Variants in MCTP1 observed in about 807,000 individuals in gnomAD.
MCTP1 encodes the protein multiple C2 and transmembrane domain containing 1.
In MCTP1, 69 loss-of-function variants were observed where a neutral mutation model predicts 120.6. The ratio of observed to expected loss-of-function variants is 0.57; its 90% confidence interval spans 0.47 to 0.70. The LOEUF (loss-of-function observed/expected upper bound fraction) is 0.70. MCTP1 is among the 30% of genes least tolerant of loss of function. The probability of loss-of-function intolerance (pLI) is 0.00; values close to 1 mark genes in which losing one functional copy is unlikely to be tolerated. For synonymous variants in MCTP1, 529 were observed against 493.1 expected, an observed-to-expected ratio of 1.07 and a Z score of -0.96; for missense variants, 1,203 against 1,248.8, an observed-to-expected ratio of 0.96 and a Z score of 0.55.
At chr5:94,983,477 G>A (rs1320739223) in intron 2 of MCTP1, among the ~76,000 whole-genome samples, 1 of 152,148 alleles carries the variant, frequency 6.6e-6, no homozygotes, top group Admixed American at 6.5e-5. Flanking sequence ...GTATTGGCTA[G>A]AGGCCTAAGC....
chr5:95,016,927 T>G (rs894024977), intron 2 of MCTP1, among the ~76,000 whole-genome samples: 1 of 152,120 alleles, frequency 6.6e-6, no homozygotes, highest in Non-Finnish European at 1.5e-5. Flanking sequence ...AAAAGATCAC[T>G]TCTTAGGAAT....
chr5:94,946,437 G>T (rs900119285), intron 3 of MCTP1, among the ~76,000 whole-genome samples: 4 of 152,152 alleles, frequency 2.6e-5, no homozygotes, highest in Non-Finnish European at 5.9e-5. Context: ...AGTGTCCATG[G>T]AACCATATGG....
intron 17 of MCTP1, among the ~76,000 whole-genome samples, chr5:94,845,578 T>C (rs1294545015): frequency 6.6e-6 from 1 of 152,160 alleles, no homozygotes; most frequent in Non-Finnish European, 1.5e-5. Context: ...AGGGTCTCAC[T>C]CTGTCACCCA....
At chr5:95,006,988 C>T (rs369573259) in intron 2 of MCTP1, among the ~76,000 whole-genome samples, 1 of 152,048 alleles carries the variant, frequency 6.6e-6, no homozygotes, top group Non-Finnish European at 1.5e-5. Flanking sequence ...AAGACACACC[C>T]AAGACTAGGT....
chr5:94,750,967 G>A (rs942947915), intron 19 of MCTP1, among the ~76,000 whole-genome samples: 12 of 152,190 alleles, frequency 7.9e-5, no homozygotes, highest in Admixed American at 2.0e-4. Context: ...ATCCAGAACC[G>A]AAACCTGGGC....
At chr5:94,930,267 ATTTTTT>A (rs869306266) in intron 6 of MCTP1, among the ~76,000 whole-genome samples, 6 of 100,928 alleles carry the variant, frequency 5.9e-5, no homozygotes, top group East Asian at 2.8e-4. Flanking sequence ...TTAAAGAAGA[ATTTTTT>A]TTTTTTTTTT....
chr5:94,980,609 G>A (rs115366328), intron 2 of MCTP1, among the ~76,000 whole-genome samples: 1,549 of 152,128 alleles, frequency 0.01, 9 homozygotes, highest in Middle Eastern at 0.024. Context: ...AATCTTTAGA[G>A]CTTTAAGGAA....
chr5:95,248,303 C>T (rs1757027240), intron 1 of MCTP1, among the ~76,000 whole-genome samples: 1 of 152,176 alleles, frequency 6.6e-6, no homozygotes, highest in Admixed American at 6.5e-5. Flanking sequence ...TCTCCTTAAG[C>T]TGATAAGCAA....
chr5:94,995,909 C>T (rs898011133), intron 2 of MCTP1, among the ~76,000 whole-genome samples: 2 of 152,066 alleles, frequency 1.3e-5, no homozygotes, highest in African/African-American at 4.8e-5. Flanking sequence ...AACAGCCTGC[C>T]CTTAAGAAAC....
At chr5:94,887,593 CATTA>C (rs561763236) in intron 12 of MCTP1, among the ~76,000 whole-genome samples, 2 of 152,082 alleles carry the variant, frequency 1.3e-5, no homozygotes, top group East Asian at 1.9e-4. Flanking sequence ...ATACATTTTA[CATTA>C]ATTGTTTTAT....
chr5:95,152,812 A>T (rs1460164744), intron 1 of MCTP1, among the ~76,000 whole-genome samples: 2 of 152,168 alleles, frequency 1.3e-5, no homozygotes, highest in Non-Finnish European at 2.9e-5. Flanking sequence ...GCTGCCTAAT[A>T]TACCTTCTAA....
intron 6 of MCTP1, among the ~76,000 whole-genome samples, chr5:94,927,263 T>C (rs1813380794): frequency 6.6e-6 from 1 of 152,294 alleles, no homozygotes; most frequent in East Asian, 1.9e-4. Context: ...TATTCTTTGA[T>C]AATAGAAATA....
chr5:94,787,920 G>A (rs1210721244), intron 18 of MCTP1, among the ~76,000 whole-genome samples: 1 of 152,194 alleles, frequency 6.6e-6, no homozygotes, highest in Non-Finnish European at 1.5e-5. Context: ...TTTTATTGGT[G>A]AGGAAATTGA....
intron 1 of MCTP1, chr5:95,081,998 TA>T (rs200351404): frequency 4.4e-3 from 866 of 198,440 alleles, no homozygotes; most frequent in Non-Finnish European, 6.7e-3. Context: ...GAAAGACATC[TA>T]AAAAAAAAAG....
At chr5:94,866,034 T>C (rs1372966089) in intron 17 of MCTP1, among the ~76,000 whole-genome samples, 1 of 151,954 alleles carries the variant, frequency 6.6e-6, no homozygotes, top group African/African-American at 2.4e-5. Context: ...AATTATGAAG[T>C]AGTTTAGAAT....
chr5:94,749,092 T>C (rs1767611303), intron 19 of MCTP1, among the ~76,000 whole-genome samples: 1 of 152,226 alleles, frequency 6.6e-6, no homozygotes, highest in African/African-American at 2.4e-5. Context: ...TATGTCTTAT[T>C]AGGTTATATG....
intron 1 of MCTP1, among the ~76,000 whole-genome samples, chr5:95,107,677 TCTA>T (rs750756719): frequency 6.6e-6 from 1 of 152,252 alleles, no homozygotes; most frequent in Non-Finnish European, 1.5e-5. Flanking sequence ...CAAATATTAA[TCTA>T]TAAAGTTCTA....
At chr5:94,996,918 T>C (rs1832733463) in intron 2 of MCTP1, among the ~76,000 whole-genome samples, 1 of 152,204 alleles carries the variant, frequency 6.6e-6, no homozygotes, top group Non-Finnish European at 1.5e-5. Context: ...GTTTGATATG[T>C]TGAGACAAAC....
At chr5:95,093,099 C>T (rs1216820053) in intron 1 of MCTP1, among the ~76,000 whole-genome samples, 2 of 152,142 alleles carry the variant, frequency 1.3e-5, no homozygotes, top group Non-Finnish European at 2.9e-5. Context: ...GGGAACACTA[C>T]AAAATTAAAA....
Sources: allele counts gnomAD v4.1 joint callset (sites outside exome capture counted in the v4.1 genomes callset), GRCh38; gene constraint gnomAD v4.1.1; transcripts MANE v1.5; gene names NCBI Gene and HGNC (gene_info 2026-07-23, HGNC 2026-07-21).